SMURF1: variants seen among roughly 807,000 people sequenced by gnomAD.
The protein encoded by SMURF1 is SMAD specific E3 ubiquitin protein ligase 1.
Under a neutral mutation model 98.0 loss-of-function variants are expected in SMURF1, and 44 were observed. The observed-to-expected ratio is 0.45, with a 90% confidence interval of 0.35 to 0.58. The LOEUF (loss-of-function observed/expected upper bound fraction) is 0.58. SMURF1 is among the 20% of genes least tolerant of loss of function. The pLI is 0.00. For synonymous variants in SMURF1, 396 were observed against 374.9 expected, an observed-to-expected ratio of 1.06 and a Z score of -0.65; for missense variants, 687 against 938.4, an observed-to-expected ratio of 0.73 and a Z score of 3.50.
chr7:99,118,596 A>G (rs1268092170), intron 1 of SMURF1, among the ~76,000 whole-genome samples: 2 of 152,216 alleles, frequency 1.3e-5, no homozygotes, highest in African/African-American at 2.4e-5. Flanking sequence ...AGGCAAATTC[A>G]TAGGGACAGA....
In SMURF1 at chr7:99,143,771, G is replaced by A; in HGVS notation, c.10C>T (p.Pro4Ser). 1.9e-6 allele frequency: 3 copies of A among 1,561,200 alleles called. No homozygotes were observed. The highest frequency in any genetic ancestry group is 2.6e-6 in the Non-Finnish European group (3 of 1,156,512). ...CTGGAGCCGTTCCTGCGTGTCCCGG[G>A]GTTCGACATCTCCCGCCAACGATCG... MSNPGTRRNGSSIK... is the reference protein window; with the variant it reads MSNSGTRRNGSSIK... The change falls in exon 1 of 18, where the codon CCC (proline) becomes TCC (serine). Residue 4 changes from proline to serine, a missense_variant. Pro to Ser is a moderately conservative substitution (Grantham distance 74, BLOSUM62 -1). Coordinates refer to ENST00000361368, the MANE Select transcript of SMURF1 (RefSeq NM_181349.3).
intron 1 of SMURF1, among the ~76,000 whole-genome samples, chr7:99,073,915 TTTGA>T (rs766389830): frequency 3.3e-5 from 5 of 152,192 alleles, no homozygotes; most frequent in Non-Finnish European, 4.4e-5. Flanking sequence ...GATTGTACTG[TTTGA>T]TTGTACTCAG....
At chr7:99,095,433 T>G (rs1278262557) in intron 1 of SMURF1, among the ~76,000 whole-genome samples, 2 of 152,186 alleles carry the variant, frequency 1.3e-5, no homozygotes, top group African/African-American at 4.8e-5. Context: ...CACACTGAGA[T>G]GCCTGCTTGG....
intron 13 of SMURF1, among the ~76,000 whole-genome samples, chr7:99,040,159 T>C (rs1166206018): frequency 2.0e-5 from 3 of 152,228 alleles, no homozygotes; most frequent in Non-Finnish European, 4.4e-5. Flanking sequence ...TAACGGGGTC[T>C]CACTGTGTTG....
chr7:99,056,890 G>GT (rs1439007002), intron 5 of SMURF1, among the ~76,000 whole-genome samples: 1 of 146,280 alleles, frequency 6.8e-6, no homozygotes, highest in Non-Finnish European at 1.5e-5. Flanking sequence ...GTGGTCCCAA[G>GT]TACTCGGGAG....
Position 99,049,615 on chromosome 7 carries a change from G to A in SMURF1, c.901C>T (p.His301Tyr). Residue 301 changes from histidine (H) to tyrosine (Y), a missense_variant, in exon 9 of 18, where the codon CAT becomes TAT. Coordinates refer to ENST00000361368, the MANE Select transcript of SMURF1 (RefSeq NM_181349.3). ...TVSGRIYFVD[H>Y]NNRTTQFTDP... ...GTAAACTGGGTTGTTCGGTTATTATGATCTACAAAATATATCCTCCCAGAA... is the reference window on the plus strand; with the variant it reads ...GTAAACTGGGTTGTTCGGTTATTATAATCTACAAAATATATCCTCCCAGAA... 1 of 1,614,162 alleles carries A rather than the reference G, an allele frequency of 6.2e-7. No homozygotes were observed. Among genetic ancestry groups the A allele is most frequent in the African/African-American group, 1.3e-5 (1 of 75,046 alleles).
chr7:99,122,643 CA>C (rs200590592), intron 1 of SMURF1, among the ~76,000 whole-genome samples: 2,027 of 119,938 alleles, frequency 0.017, 37 homozygotes, highest in African/African-American at 0.072. Flanking sequence ...GATTCCGTGT[CA>C]AAAAAAAAAA....
In SMURF1 at chr7:99,127,870, G is replaced by A. The variant is rs191861836; in HGVS notation, c.55+15856C>T. Among the ~76,000 whole-genome samples the A allele has an allele frequency of 3.8e-4, 58 of 152,176 alleles. 1 individual carries two copies. In the East Asian group the frequency reaches 0.011, roughly 28 times the overall value. On this transcript the variant is annotated intron_variant, in intron 1 of 17. Coordinates refer to ENST00000361368, the MANE Select transcript of SMURF1 (RefSeq NM_181349.3). ...TTGCTGAGAGATCGTGGACTGGCTT[G>A]CGTCTATTCTAAATATAAACAACGC...
chr7:99,059,202 A>AT (rs1390272748), intron 3 of SMURF1, among the ~76,000 whole-genome samples: 3 of 151,322 alleles, frequency 2.0e-5, no homozygotes, highest in African/African-American at 7.3e-5. Context: ...GATCGAGACC[A>AT]TCCCGGCTAA....
Position 99,061,792 on chromosome 7 carries a change from T to C in SMURF1, c.94+7A>G. 2 of 1,595,066 alleles carry C rather than the reference T, an allele frequency of 1.3e-6. No individual in the cohort carries two copies. Among genetic ancestry groups the C allele is most frequent in the Admixed American group, 1.8e-5 (1 of 57,038 alleles). ...TATAAGAGGGAAAAAAATAAGTGTT[T>C]ACTTACTGAAGAAGTCTTTCTTTGC... On this transcript the variant is annotated splice_region_variant and intron_variant, in intron 2 of 17. Coordinates refer to ENST00000361368, the MANE Select transcript of SMURF1 (RefSeq NM_181349.3).
chr7:99,136,811 G>A (rs1471614533), intron 1 of SMURF1, among the ~76,000 whole-genome samples: 4 of 152,108 alleles, frequency 2.6e-5, no homozygotes, highest in South Asian at 2.1e-4. Context: ...TTAGCCAGCC[G>A]TGGTGGCACA....
chr7:99,120,002 G>A (rs73147614), intron 1 of SMURF1, among the ~76,000 whole-genome samples: 6,460 of 152,254 alleles, frequency 0.042, 159 homozygotes, highest in Middle Eastern at 0.065. Context: ...GGCTTACTGG[G>A]AGATATTGGG....
intron 13 of SMURF1, 138 bp downstream of exon 13, chr7:99,040,240 T>C (rs1178305577): frequency 2.1e-6 from 2 of 970,216 alleles, no homozygotes; most frequent in Non-Finnish European, 2.8e-6. Flanking sequence ...TCCCCTTTTT[T>C]TGTTTCAGGT....
chr7:99,138,571 A>G (rs1798046706), intron 1 of SMURF1, among the ~76,000 whole-genome samples: 1 of 152,224 alleles, frequency 6.6e-6, no homozygotes, highest in Admixed American at 6.5e-5. Context: ...GGACTTTTGT[A>G]ACTGCAAGAC....
At chr7:99,059,887 G>A (rs1795989142) in intron 3 of SMURF1, among the ~76,000 whole-genome samples, 1 of 149,742 alleles carries the variant, frequency 6.7e-6, no homozygotes, top group South Asian at 2.1e-4. Flanking sequence ...TCTAGCCTGG[G>A]CGACAAAGCA....
chr7:99,123,276 GC>G (rs1797681872), intron 1 of SMURF1, among the ~76,000 whole-genome samples: 1 of 152,144 alleles, frequency 6.6e-6, no homozygotes, highest in Middle Eastern at 3.2e-3. Context: ...GGTGGCTTAC[GC>G]CTGTAATTCC....
chr7:99,126,215 C>T (rs1030495168), intron 1 of SMURF1, among the ~76,000 whole-genome samples: 23 of 152,186 alleles, frequency 1.5e-4, no homozygotes, highest in African/African-American at 5.5e-4. Context: ...TATTTATCTT[C>T]CTTTAGAATG....
At chr7:99,031,923 C>T (rs932096621) in intron 17 of SMURF1, among the ~76,000 whole-genome samples, 2 of 152,142 alleles carry the variant, frequency 1.3e-5, no homozygotes, top group Admixed American at 6.5e-5. Context: ...ACAAAGTGTA[C>T]GCAAGTGATT....
intron 1 of SMURF1, among the ~76,000 whole-genome samples, chr7:99,125,057 TTTCATTCATTCA>T (rs56017007): frequency 0.18 from 27,140 of 149,694 alleles, 2,692 homozygotes; most frequent in African/African-American, 0.26. Flanking sequence ...CAATAAAAAT[TTTCATTCATTCA>T]TTCATTCATT....
Sources: gnomAD v4.1 joint callset for allele counts (sites outside exome capture counted in the v4.1 genomes callset) on GRCh38, gnomAD v4.1.1 for gene constraint, MANE v1.5 for transcripts, NCBI Gene and HGNC (gene_info 2026-07-23, HGNC 2026-07-21) for gene names.